Variants in VPS13D observed in about 807,000 individuals in gnomAD.
VPS13D encodes intermembrane lipid transfer protein VPS13D.
In VPS13D, 187 loss-of-function variants were observed where a neutral mutation model predicts 461.9. The ratio of observed to expected loss-of-function variants is 0.40; its 90% CI spans 0.36 to 0.46. The LOEUF (loss-of-function observed/expected upper bound fraction) is 0.46. VPS13D is among the 20% of genes least tolerant of loss of function. The probability of loss-of-function intolerance (pLI) is 0.60; values close to 1 mark genes in which losing one functional copy is unlikely to be tolerated. For missense variants in VPS13D, 4,711 were observed against 5,364.9 expected, an observed-to-expected ratio of 0.88 and a Z score of 3.81; for synonymous variants, 1,951 against 1,986.3, an observed-to-expected ratio of 0.98 and a Z score of 0.47.
intron 67 of VPS13D, among the ~76,000 whole-genome samples, chr1:12,470,095 T>C (rs1645542769): frequency 6.6e-6 from 1 of 152,228 alleles, no homozygotes; most frequent in African/African-American, 2.4e-5. Context: ...AGACAATTCC[T>C]AGCAGATTTC....
chr1:12,377,719 C>G (rs1023856113), intron 55 of VPS13D, among the ~76,000 whole-genome samples: 1 of 148,880 alleles, frequency 6.7e-6, no homozygotes, highest in African/African-American at 2.5e-5. Context: ...ACTCGGGAGG[C>G]TGAGGCAGGA....
At chr1:12,387,049 A>G (rs929359653) in intron 60 of VPS13D, among the ~76,000 whole-genome samples, 1 of 152,210 alleles carries the variant, frequency 6.6e-6, no homozygotes, top group African/African-American at 2.4e-5. Flanking sequence ...TTAGCCAAGT[A>G]TTAGTCAGTG....
Position 12,349,181 on chromosome 1 carries a change from G to A in VPS13D, c.9238G>A (p.Ala3080Thr), listed in dbSNP as rs1181710778. The change falls in exon 46 of 70, where the codon GCT becomes ACT. Residue 3080 changes from alanine (A) to threonine (T), a missense_variant. Around this residue, in one of 3 missense-constraint regions of VPS13D, gnomAD observed 4,411 missense variants for 4,937.8 expected, o/e 0.89. Coordinates refer to ENST00000620676, the MANE Select transcript of VPS13D (RefSeq NM_015378.4). ...SAPDKPVVLP[A>T]IMPGDSFAVP... ...TGTGGCAGAGCCAGTGGTGCTTCCTGCTATCATGCCAGGGGATTCGTTTGC... is the reference window on the plus strand; with the variant it reads ...TGTGGCAGAGCCAGTGGTGCTTCCTACTATCATGCCAGGGGATTCGTTTGC... 1.2e-6 allele frequency: 2 copies of A among 1,613,824 alleles called. No homozygotes were observed. Among genetic ancestry groups the A allele is most frequent in the Admixed American group, 1.7e-5 (1 of 60,024 alleles).
chr1:12,260,759 C>T lies in VPS13D; in HGVS notation c.1177C>T (p.His393Tyr). Residue 393 changes from histidine to tyrosine, a missense_variant, in exon 11 of 70, where the codon CAT (histidine) becomes TAT (tyrosine). Around this residue, in one of 3 missense-constraint regions of VPS13D, gnomAD observed 4,411 missense variants for 4,937.8 expected, o/e 0.89. Transcript: ENST00000620676. ...ATTGAAGATTTTGCGTGAACTGGTT[C>T]ATGATCGATTTCACAAACAGGAAGA... is the stretch of plus-strand genomic sequence containing the variant. ...EELKILRELVHDRFHKQEELA... is the reference protein window; with the variant it reads ...EELKILRELVYDRFHKQEELA... 1 of 1,614,124 alleles carries T rather than the reference C, an allele frequency of 6.2e-7. No individual in the cohort carries two copies. The highest frequency in any genetic ancestry group is 8.5e-7 in the Non-Finnish European group (1 of 1,180,010).
chr1:12,385,921 G>C (rs1644345229), intron 59 of VPS13D, among the ~76,000 whole-genome samples: 1 of 152,168 alleles, frequency 6.6e-6, no homozygotes, highest in South Asian at 2.1e-4. Context: ...ATGAAATGCA[G>C]AATGTCATCA....
chr1:12,354,711 T>A (rs1643871412), intron 47 of VPS13D, among the ~76,000 whole-genome samples: 1 of 151,942 alleles, frequency 6.6e-6, no homozygotes, highest in African/African-American at 2.4e-5. Context: ...GCCTCTTCTC[T>A]TTTTATTGAA....
chr1:12,438,142 G>A (rs1309336892), intron 65 of VPS13D, among the ~76,000 whole-genome samples: 1 of 152,084 alleles, frequency 6.6e-6, no homozygotes, highest in South Asian at 2.1e-4. Context: ...TCTGTTATAG[G>A]ACTTAGAGAA....
Position 12,299,337 on chromosome 1 carries a change from A to G in VPS13D, c.6169A>G (p.Lys2057Glu). The G allele has an allele frequency of 1.9e-6, 3 of 1,613,910 alleles. No individual in the cohort carries two copies. The highest frequency in any genetic ancestry group is 2.5e-6 in the Non-Finnish European group (3 of 1,179,952). ...TTTGGGGAAGTTGAAAGTCAAAAATAAGTTTCTGTTTGCTGGTTTTCCTGG... is the reference window on the plus strand; with the variant it reads ...TTTGGGGAAGTTGAAAGTCAAAAATGAGTTTCTGTTTGCTGGTTTTCCTGG... ...ANLGKLKVKN[K>E]FLFAGFPGTF... Residue 2057 changes from lysine to glutamate, a missense_variant, in exon 25 of 70, where the codon AAG (lysine) becomes GAG (glutamate). Physicochemically the swap from Lys to Glu is moderately conservative, Grantham distance 56 (BLOSUM62 1). Transcript: ENST00000620676. This position sits in a 1 kb window ranked among gnomAD's most constrained non-coding sequence, Gnocchi z 4.2.
chr1:12,412,451 G>T (rs967522756), intron 63 of VPS13D, among the ~76,000 whole-genome samples: 5 of 152,322 alleles, frequency 3.3e-5, no homozygotes, highest in African/African-American at 1.2e-4. Context: ...GGCATTAGTA[G>T]AAAGCAGAGC....
intron 53 of VPS13D, 145 bp downstream of exon 53, chr1:12,368,736 C>T (rs967029227): frequency 2.9e-6 from 3 of 1,042,610 alleles, no homozygotes; most frequent in Non-Finnish European, 3.9e-6. Flanking sequence ...CTGGACAAGC[C>T]TAGAAATCCT....
chr1:12,244,448 A>G lies in VPS13D; in HGVS notation c.366+12A>G, dbSNP rs1369635136. ...AGGAGAAATGGAAGGCAAGGCAGAGATCTTCTGGGCCATAAGAGCAGTTGT... is the reference window on the plus strand; with the variant it reads ...AGGAGAAATGGAAGGCAAGGCAGAGGTCTTCTGGGCCATAAGAGCAGTTGT... On this transcript the variant is annotated intron_variant, in intron 4 of 69. Transcript: ENST00000620676. 1.9e-6 allele frequency: 3 copies of G among 1,614,048 alleles called. No homozygotes were observed. The South Asian group carries it at 3.3e-5, about 18-fold the overall frequency.
At chr1:12,326,973 T>A (rs1330835084) in intron 35 of VPS13D, among the ~76,000 whole-genome samples, 1 of 152,172 alleles carries the variant, frequency 6.6e-6, no homozygotes, top group African/African-American at 2.4e-5. Context: ...TAGATAAAAC[T>A]TAATTCCATC....
At position 12,299,401 on chromosome 1, in the gene VPS13D, C is replaced by T; in HGVS notation, c.6216+17C>T. On this transcript the variant is annotated intron_variant, in intron 25 of 69. Transcript: ENST00000620676. This position sits in a 1 kb window ranked among gnomAD's most constrained non-coding sequence, Gnocchi z 4.2. The stretch of plus-strand genomic sequence containing the variant: ...CAAGATAAGGTGAGCAATCAGTATC[C>T]ATTTCCTTTTCCGTTCAGCTAGTAT... 2 of 1,587,696 alleles carry T rather than the reference C, an allele frequency of 1.3e-6. No individual in the cohort carries two copies. Among genetic ancestry groups the T allele is most frequent in the Non-Finnish European group, 1.7e-6 (2 of 1,170,226 alleles).
intron 35 of VPS13D, among the ~76,000 whole-genome samples, chr1:12,324,149 T>A (rs1643117739): frequency 6.6e-6 from 1 of 152,146 alleles, no homozygotes; most frequent in Non-Finnish European, 1.5e-5. Flanking sequence ...CTTCAAGTGA[T>A]CTGCCCGCTT....
chr1:12,360,485 GA>G (rs1184043261), intron 50 of VPS13D, among the ~76,000 whole-genome samples: 1 of 152,154 alleles, frequency 6.6e-6, no homozygotes, highest in Non-Finnish European at 1.5e-5. Context: ...TGTGAAGGGG[GA>G]AAGAAGCCCA....
chr1:12,458,477 G>A (rs1645358928), intron 66 of VPS13D, among the ~76,000 whole-genome samples: 1 of 152,032 alleles, frequency 6.6e-6, no homozygotes, highest in Non-Finnish European at 1.5e-5. Flanking sequence ...CCTAGAGGGA[G>A]AATCGCTTGA....
chr1:12,510,242 T>C lies in VPS13D; in HGVS notation c.*1218T>C, dbSNP rs1029014240. ...TGAGCGCCCTGGGTCTTGTTTTTGG[T>C]GTTTCGCTTTTCTGTAAGGATTAAG... On this transcript the variant is annotated 3_prime_UTR_variant, in exon 70 of 70. Transcript: ENST00000620676. 2 of 152,170 alleles carry C rather than the reference T, an allele frequency of 1.3e-5. No homozygotes were observed. The highest frequency in any genetic ancestry group is 6.5e-5 in the Admixed American group (1 of 15,274). The allele number at this position is 152,170 out of a possible 1,614,324, so 9.4% of individuals were successfully genotyped here.
chr1:12,472,385 A>G (rs570986698), intron 67 of VPS13D, among the ~76,000 whole-genome samples: 3 of 152,304 alleles, frequency 2.0e-5, no homozygotes, highest in Non-Finnish European at 4.4e-5. Flanking sequence ...ACTGCTTCCC[A>G]TGCAGCCTTT....
chr1:12,469,699 C>T (rs187301833), intron 67 of VPS13D, among the ~76,000 whole-genome samples: 1 of 152,236 alleles, frequency 6.6e-6, no homozygotes, highest in African/African-American at 2.4e-5. Context: ...TGGTTTGCTC[C>T]TGACTTTTAC....
Sources: gnomAD v4.1 joint callset for allele counts (sites outside exome capture counted in the v4.1 genomes callset) on GRCh38, gnomAD v4.1.1 for gene constraint, gnomAD v4.1.1 regional missense constraint, Gnocchi (gnomAD v3.1) non-coding constraint, MANE v1.5 for transcripts, NCBI Gene and HGNC (gene_info 2026-07-23, HGNC 2026-07-21) for gene names.